MED24: variants seen among roughly 807,000 people sequenced by gnomAD.
The protein encoded by MED24 is mediator of RNA polymerase II transcription subunit 24.
A neutral mutation model predicts 118.8 loss-of-function variants in MED24; 74 were observed. The observed-to-expected ratio is 0.62, with a 90% CI of 0.52 to 0.76. The LOEUF (loss-of-function observed/expected upper bound fraction) is 0.76, where lower values mean the gene tolerates loss of function less well. MED24 is among the 30% of genes least tolerant of loss of function. MED24 has a pLI of 0.00. For missense variants in MED24, 1,041 were observed against 1,278.9 expected (o/e 0.81, Z 2.84); for synonymous variants, 521 against 523.9 (o/e 0.99, Z 0.08).
chr17:40,047,521 G>A (rs942628232), intron 3 of MED24, among the ~76,000 whole-genome samples: 32 of 151,886 alleles, frequency 2.1e-4, no homozygotes, highest in African/African-American at 7.5e-4. Context: ...AACTGGCCAG[G>A]CGTGGTGGAG....
chr17:40,023,396 C>T lies in MED24; in HGVS notation c.1986-1G>A. 6.3e-7 allele frequency: 1 copy of T among 1,584,044 alleles called. No homozygotes were observed. Among genetic ancestry groups the T allele is most frequent in the Non-Finnish European group, 8.6e-7 (1 of 1,162,804 alleles). On this transcript the variant is annotated splice_acceptor_variant, in intron 19 of 25. Transcript: ENST00000394128. LOFTEE classifies it high-confidence loss of function. The stretch of plus-strand genomic sequence containing the variant: ...CAGGATCGAGTTCATGATCACCACC[C>T]TGGGGGAGGGCCGAGAGAACCTGAG...
At chr17:40,044,344 T>G (rs1168527556) in intron 3 of MED24, among the ~76,000 whole-genome samples, 1 of 149,710 alleles carries the variant, frequency 6.7e-6, no homozygotes, top group Non-Finnish European at 1.5e-5. Flanking sequence ...ACATGGAGAA[T>G]CCCCGTATCT....
intron 3 of MED24, among the ~76,000 whole-genome samples, chr17:40,036,941 T>TG (rs1240053164): frequency 6.6e-6 from 1 of 152,092 alleles, no homozygotes; most frequent in Non-Finnish European, 1.5e-5. Flanking sequence ...CCCAGTACTT[T>TG]GGGAGGCTGA....
rs1023171055 is a variant in MED24, at chr17:40,020,093, G to T, written c.2705-160C>A. ...AGAAAATATAAAAGGCAATTGGGGA[G>T]GGGAGGAGGGGGAACTAGACAGGAG... On this transcript the variant is annotated intron_variant, in intron 24 of 25. Coordinates refer to ENST00000394128, the MANE Select transcript of MED24 (RefSeq NM_014815.4). 4 of 1,005,250 alleles carry T rather than the reference G, an allele frequency of 4.0e-6. No homozygotes were observed. The East Asian group carries it at 1.0e-4, about 26-fold the overall frequency. 62.3% of individuals were successfully genotyped at this position (1,005,250 alleles called of 1,614,324 possible).
At chr17:40,026,616 G>C (rs1281210503) in intron 18 of MED24, 31 bp downstream of exon 18, 1 of 1,569,904 alleles carries the variant, frequency 6.4e-7, no homozygotes, top group East Asian at 2.3e-5. Context: ...GTGTCTCAGG[G>C]GAGCAAACGC....
Position 40,019,406 on chromosome 17 carries a change from A to C in MED24, c.*123T>G. ...CAGGAGCGGGGAACTGGAAGCCGCT[A>C]GAGGCTCTTGCACCATGTGGAGCGG... is the stretch of plus-strand genomic sequence containing the variant. On this transcript the variant is annotated 3_prime_UTR_variant, in exon 26 of 26. Coordinates refer to ENST00000394128, the MANE Select transcript of MED24 (RefSeq NM_014815.4). The C allele has an allele frequency of 3.9e-6, 3 of 770,504 alleles. No homozygotes were observed. The highest frequency in any genetic ancestry group is 6.4e-6 in the Non-Finnish European group (3 of 469,198). The allele number at this position is 770,504 out of a possible 1,614,324, so 47.7% of individuals were successfully genotyped here.
intron 3 of MED24, 65 bp downstream of exon 3, chr17:40,053,233 A>G (rs1986030526): frequency 6.9e-7 from 1 of 1,457,468 alleles, no homozygotes. Context: ...CCGGGGCCCA[A>G]ATGCACTCCA....
In MED24 at chr17:40,031,547, T is replaced by C. The variant is rs1445563365; in HGVS notation, c.1058A>G (p.Gln353Arg). The change falls in exon 11 of 26, where the codon CAG (glutamine) becomes CGG (arginine). Residue 353 changes from glutamine to arginine, a missense_variant. This residue lies in a region of MED24 where 434 missense variants were observed against 514.9 expected (regional missense o/e 0.84). Transcript: ENST00000394128. The part of the protein sequence containing the change: ...KLTPLLDKAD[Q>R]RCNCDCTNFL... The stretch of plus-strand genomic sequence containing the variant: ...CCAGGGGAGCTCATACTTGCAGCGC[T>C]GGTCAGCTTTGTCCAACAAGGGGGT... The C allele has an allele frequency of 3.1e-6, 5 of 1,614,120 alleles. No individual in the cohort carries two copies. The highest frequency in any genetic ancestry group is 2.2e-5 in the South Asian group (2 of 91,090).
chr17:40,038,001 C>T (rs1984144079), intron 3 of MED24, among the ~76,000 whole-genome samples: 1 of 152,080 alleles, frequency 6.6e-6, no homozygotes, highest in South Asian at 2.1e-4. Context: ...ATAACGAGAA[C>T]TTTACCACAG....
rs374049368 is a variant in MED24 at position 40,022,025 on chromosome 17, A to G, written c.2553T>C (p.Asp851=). The G allele has an allele frequency of 1.4e-4, 230 of 1,611,720 alleles. 3 individuals are homozygous for G. The South Asian group carries it at 2.1e-3, about 15-fold the overall frequency. Residue 851 remains aspartate, a synonymous_variant, in exon 23 of 26, where the codon GAT becomes GAC. Transcript: ENST00000394128. ...GTCGCATCAACTTCGAAGGCTGCAC[A>G]TCGTCCAGGGGGAAGAGGCTGATAT... is the stretch of plus-strand genomic sequence containing the variant. ...EDYISLFPLD[D]VQPSKLMRLL...
chr17:40,024,050 C>T (rs561829473), intron 19 of MED24, among the ~76,000 whole-genome samples: 156 of 152,266 alleles, frequency 1.0e-3, no homozygotes, highest in Non-Finnish European at 1.7e-3. Flanking sequence ...CTACCCCTTA[C>T]CCAGATAGGA....
At chr17:40,053,868 C>T (rs2145015128) in intron 1 of MED24, 5 of 612,734 alleles carry the variant, frequency 8.2e-6, no homozygotes, top group South Asian at 2.0e-5. Flanking sequence ...CAGTGGCTCG[C>T]ACCTGTAATC....
rs1983046511 is a variant in MED24 at position 40,028,973 on chromosome 17, G to A, written c.1267-5C>T. The A allele has an allele frequency of 2.5e-6, 4 of 1,614,134 alleles. No homozygotes were observed. The highest frequency in any genetic ancestry group is 2.2e-5 in the East Asian group (1 of 44,886). ...AGAGTGGTCTGCATCCATCGTCTGGGGACAGGACAGGAAATCAAGTCCTGA... is the reference window on the plus strand; with the variant it reads ...AGAGTGGTCTGCATCCATCGTCTGGAGACAGGACAGGAAATCAAGTCCTGA... On this transcript the variant is annotated splice_polypyrimidine_tract_variant and splice_region_variant and intron_variant, in intron 13 of 25. Transcript: ENST00000394128.
Position 40,052,603 on chromosome 17 carries a change from CTTG to C in MED24, c.213+692_213+694del, listed in dbSNP as rs199968437. 1.6e-3 allele frequency among the ~76,000 whole-genome samples: 242 copies of C among 151,790 alleles called. 3 individuals are homozygous for C. In the East Asian group the frequency reaches 0.041, roughly 26 times the overall value. Reference sequence around the variant, plus strand: ...AATGTAATCCTCTTTTTTTCTTTTGCTTGTTGTTGTTTTTAATAGACGGAGTGT... The same window carrying C: ...AATGTAATCCTCTTTTTTTCTTTTGCTTGTTGTTTTTAATAGACGGAGTGT... On this transcript the variant is annotated intron_variant, in intron 3 of 25. Transcript: ENST00000394128.
At chr17:40,035,697 T>A in intron 5 of MED24, 25 bp downstream of exon 5, 2 of 1,606,648 alleles carry the variant, frequency 1.2e-6, no homozygotes, top group South Asian at 2.2e-5. Context: ...CATTGTATTG[T>A]GAGCCCCCTT....
intron 19 of MED24, 162 bp from the exon 20 acceptor site, chr17:40,023,557 C>A: frequency 1.5e-6 from 1 of 651,418 alleles, no homozygotes. Flanking sequence ...CCCGGGGTGA[C>A]CTGGCCCCTG....
intron 3 of MED24, among the ~76,000 whole-genome samples, chr17:40,050,974 TAAAAATACAAA>T (rs1985772931): frequency 6.6e-6 from 1 of 151,840 alleles, no homozygotes; most frequent in Admixed American, 6.6e-5. Context: ...CAGTCTCTAC[TAAAAATACAAA>T]ATTAGCCGGG....
chr17:40,040,138 G>C (rs189500323), intron 3 of MED24, among the ~76,000 whole-genome samples: 2 of 150,298 alleles, frequency 1.3e-5, no homozygotes, highest in African/African-American at 4.9e-5. Flanking sequence ...GAGTGCAGTG[G>C]CACAATCTCG....
At chr17:40,023,659 G>T in intron 19 of MED24, 1 of 421,308 alleles carries the variant, frequency 2.4e-6, no homozygotes, top group Non-Finnish European at 4.2e-6. Context: ...ATTCCAGCCA[G>T]ATATTCACAT....
Sources: allele counts gnomAD v4.1 joint callset (sites outside exome capture counted in the v4.1 genomes callset), GRCh38; gene constraint gnomAD v4.1.1; regional missense constraint gnomAD v4.1.1; transcripts MANE v1.5; gene names NCBI Gene and HGNC (gene_info 2026-07-23, HGNC 2026-07-21).